RAP1GDS1: variants seen among roughly 807,000 people sequenced by gnomAD.
RAP1GDS1 encodes RAP1, GTP-GDP dissociation stimulator 1.
RAP1GDS1 carries 35 observed loss-of-function variants against 71.1 expected under a neutral mutation model. The ratio of observed to expected loss-of-function variants is 0.49; its 90% CI spans 0.38 to 0.65. The LOEUF (loss-of-function observed/expected upper bound fraction) is 0.65, where lower values mean the gene tolerates loss of function less well. Among genes scored for constraint, RAP1GDS1 ranks in the 30% least tolerant of loss-of-function variants. RAP1GDS1 has a pLI of 0.00. For missense variants in RAP1GDS1, 663 were observed against 706.1 expected (o/e 0.94, Z 0.69); for synonymous variants, 229 against 243.1 (o/e 0.94, Z 0.54).
At chr4:98,429,352 G>A (rs536505628) in intron 12 of RAP1GDS1, among the ~76,000 whole-genome samples, 57 of 152,068 alleles carry the variant, frequency 3.7e-4, no homozygotes, top group African/African-American at 9.4e-4. Context: ...AATGGCATTC[G>A]CAGCAACCTG....
rs1014547398 is a variant in RAP1GDS1, at chr4:98,418,800, T to C, written c.1174+9T>C. On this transcript the variant is annotated intron_variant, in intron 10 of 14. Transcript: ENST00000408927. Reference sequence around the variant, plus strand: ...AAACCTGGCCATTCCAGGTAAGACTTAAGAATAGAAGGCAGCTGTGTACAA... The same window carrying C: ...AAACCTGGCCATTCCAGGTAAGACTCAAGAATAGAAGGCAGCTGTGTACAA... 3.2e-6 allele frequency: 5 copies of C among 1,583,334 alleles called. No individual in the cohort carries two copies. In the African/African-American group the frequency reaches 4.1e-5, roughly 13 times the overall value.
chr4:98,269,572 C>T (rs907928452), intron 1 of RAP1GDS1, among the ~76,000 whole-genome samples: 5 of 152,066 alleles, frequency 3.3e-5, no homozygotes, highest in Admixed American at 2.0e-4. Context: ...GCCGTATATC[C>T]GATTAGGGGT....
intron 3 of RAP1GDS1, among the ~76,000 whole-genome samples, chr4:98,344,796 A>G (rs1393661519): frequency 7.2e-5 from 11 of 152,116 alleles, no homozygotes; most frequent in Admixed American, 7.2e-4. Flanking sequence ...TGGCTGAGAA[A>G]GTGGACCAGA....
At chr4:98,433,833 G>A (rs1750789448) in intron 12 of RAP1GDS1, 103 bp from the exon 13 acceptor site, 2 of 1,099,472 alleles carry the variant, frequency 1.8e-6, no homozygotes, top group South Asian at 1.7e-5. Context: ...GATTCATACA[G>A]GACACTGTCG....
intron 4 of RAP1GDS1, among the ~76,000 whole-genome samples, chr4:98,359,661 G>A (rs1161769640): frequency 6.6e-6 from 1 of 152,204 alleles, no homozygotes; most frequent in African/African-American, 2.4e-5. Flanking sequence ...ATCCATTAAT[G>A]TATAGTGTGC....
At chr4:98,380,763 G>T (rs1336743780) in intron 5 of RAP1GDS1, among the ~76,000 whole-genome samples, 4 of 151,782 alleles carry the variant, frequency 2.6e-5, no homozygotes, top group African/African-American at 9.7e-5. Flanking sequence ...ATTTGAGGAA[G>T]TAGGAAGAAC....
intron 2 of RAP1GDS1, among the ~76,000 whole-genome samples, chr4:98,324,379 A>C (rs374452625): frequency 3.6e-4 from 55 of 152,296 alleles, no homozygotes; most frequent in East Asian, 1.2e-3. Flanking sequence ...GCATCCCCAT[A>C]AAGCTACCAA....
intron 2 of RAP1GDS1, among the ~76,000 whole-genome samples, chr4:98,323,211 G>C (rs1464004728): frequency 6.9e-6 from 1 of 145,838 alleles, no homozygotes; most frequent in East Asian, 2.0e-4. Flanking sequence ...ACTCTCCCAA[G>C]ACTAAACCAG....
chr4:98,284,405 A>G (rs1203387106), intron 1 of RAP1GDS1, among the ~76,000 whole-genome samples: 1 of 152,148 alleles, frequency 6.6e-6, no homozygotes, highest in Non-Finnish European at 1.5e-5. Context: ...TTCCAAAGCT[A>G]AAAATATAAT....
intron 12 of RAP1GDS1, among the ~76,000 whole-genome samples, chr4:98,422,865 A>G (rs1056091226): frequency 6.6e-6 from 1 of 152,096 alleles, no homozygotes; most frequent in African/African-American, 2.4e-5. Flanking sequence ...CTAAAAGCTC[A>G]TACATTTTTC....
At chr4:98,381,164 T>C (rs1426888151) in intron 5 of RAP1GDS1, among the ~76,000 whole-genome samples, 1 of 151,678 alleles carries the variant, frequency 6.6e-6, no homozygotes, top group Non-Finnish European at 1.5e-5. Flanking sequence ...TAGAAAGCTA[T>C]ATTAACTTTT....
At chr4:98,438,830 C>G (rs948166588) in intron 14 of RAP1GDS1, among the ~76,000 whole-genome samples, 6 of 151,616 alleles carry the variant, frequency 4.0e-5, no homozygotes, top group Admixed American at 2.6e-4. Context: ...CCTGACCACC[C>G]GTCAGGGTGA....
At chr4:98,305,984 C>T (rs537953419) in intron 2 of RAP1GDS1, among the ~76,000 whole-genome samples, 1 of 152,296 alleles carries the variant, frequency 6.6e-6, no homozygotes, top group East Asian at 1.9e-4. Flanking sequence ...TACTGATTTA[C>T]TATAACTAAG....
At chr4:98,266,868 A>T (rs1242489527) in intron 1 of RAP1GDS1, among the ~76,000 whole-genome samples, 2 of 152,132 alleles carry the variant, frequency 1.3e-5, no homozygotes, top group African/African-American at 4.8e-5. Flanking sequence ...GACTTTGGGG[A>T]AATAGTGTGG....
intron 13 of RAP1GDS1, among the ~76,000 whole-genome samples, chr4:98,434,694 C>T (rs1750913212): frequency 6.6e-6 from 1 of 150,472 alleles, no homozygotes; most frequent in African/African-American, 2.5e-5. Flanking sequence ...AATCTCAGCT[C>T]ACTGCAACGT....
At chr4:98,332,099 CAGTGTA>C (rs1734100195) in intron 2 of RAP1GDS1, among the ~76,000 whole-genome samples, 1 of 152,176 alleles carries the variant, frequency 6.6e-6, no homozygotes, top group Admixed American at 6.5e-5. Flanking sequence ...AATTTTTCTG[CAGTGTA>C]ATTGCTTCTT....
intron 3 of RAP1GDS1, among the ~76,000 whole-genome samples, chr4:98,345,086 G>C (rs555223981): frequency 6.6e-6 from 1 of 152,132 alleles, no homozygotes; most frequent in Admixed American, 6.5e-5. Context: ...TCCCGCCTTG[G>C]CCTCACAAAG....
intron 2 of RAP1GDS1, among the ~76,000 whole-genome samples, chr4:98,296,029 A>AAAC (rs5860532): frequency 0.49 from 73,315 of 150,284 alleles, 18,395 homozygotes; most frequent in East Asian, 0.78. Context: ...CTTGCTTTTT[A>AAAC]AACAACAACA....
chr4:98,281,656 G>C (rs527294776), intron 1 of RAP1GDS1, among the ~76,000 whole-genome samples: 6 of 152,204 alleles, frequency 3.9e-5, no homozygotes, highest in African/African-American at 1.4e-4. Flanking sequence ...CTGAATAGGA[G>C]TGGTGAGAGA....
Sources: allele counts gnomAD v4.1 joint callset (sites outside exome capture counted in the v4.1 genomes callset), GRCh38; gene constraint gnomAD v4.1.1; transcripts MANE v1.5; gene names NCBI Gene and HGNC (gene_info 2026-07-23, HGNC 2026-07-21).